Variants in TAF6L observed in about 807,000 individuals in gnomAD.
TAF6L encodes TAF6-like RNA polymerase II p300/CBP-associated factor-associated factor 65 kDa subunit 6L.
A neutral mutation model predicts 57.3 loss-of-function variants in TAF6L; 34 were observed. The ratio of observed to expected loss-of-function variants is 0.59; its 90% CI spans 0.45 to 0.79. The LOEUF (loss-of-function observed/expected upper bound fraction) is 0.79. TAF6L is among the 30% of genes least tolerant of loss of function. The probability of loss-of-function intolerance (pLI) is 0.00; values close to 1 mark genes in which losing one functional copy is unlikely to be tolerated. For missense variants in TAF6L, 782 were observed against 853.2 expected (o/e 0.92, Z 1.04); for synonymous variants, 417 against 376.3 (o/e 1.11, Z -1.25).
chr11:62,781,927 A>T lies in TAF6L; in HGVS notation c.565A>T (p.Ile189Phe), dbSNP rs1182554614. Reference protein sequence around the residue: ...ALQDLQTNSKIGALLPYFVYV... With the variant: ...ALQDLQTNSKFGALLPYFVYV... ...CCAGGACTTGCAGACGAACTCCAAG[A>T]TTGGGGCACTCCTGCCTTACTTTGT... The change falls in exon 7 of 11, where the codon ATT becomes TTT. Residue 189 changes from isoleucine (I) to phenylalanine (F), a missense_variant. Physicochemically the swap from Ile to Phe is conservative, Grantham distance 21. Around this residue, in one of 3 missense-constraint regions of TAF6L, gnomAD observed 220 missense variants for 252.1 expected, o/e 0.87. Coordinates refer to ENST00000294168, the MANE Select transcript of TAF6L (RefSeq NM_006473.4). 5.0e-6 allele frequency: 8 copies of T among 1,614,130 alleles called. No homozygotes were observed. Among genetic ancestry groups the T allele is most frequent in the Non-Finnish European group, 6.8e-6 (8 of 1,180,014 alleles).
At position 62,782,142 on chromosome 11, in the gene TAF6L, A is replaced by G; in HGVS notation, c.636A>G (p.Gln212=). 4 of 1,612,248 alleles carry G rather than the reference A, an allele frequency of 2.5e-6. No homozygotes were observed. Among genetic ancestry groups the G allele is most frequent in the Non-Finnish European group, 3.4e-6 (4 of 1,178,856 alleles). The change falls in exon 8 of 11, where the codon CAA becomes CAG. Residue 212 remains glutamine, a synonymous_variant. Coordinates refer to ENST00000294168, the MANE Select transcript of TAF6L (RefSeq NM_006473.4). ...GVKSVSHDLE[Q]LHRLLQVARS... ...AATCTGTAAGCCATGACCTGGAGCAACTGCACCGGCTGCTGCAGGTGGCAC... is the reference window on the plus strand; with the variant it reads ...AATCTGTAAGCCATGACCTGGAGCAGCTGCACCGGCTGCTGCAGGTGGCAC...
chr11:62,779,976 A>ATATATATATATATATTTTTTTTT (rs1294367864), intron 6 of TAF6L, among the ~76,000 whole-genome samples: 1 of 52,626 alleles, frequency 1.9e-5, no homozygotes, highest in Non-Finnish European at 3.6e-5. Flanking sequence ...ATATATATAT[A>ATATATATATATATATTTTTTTTT]TTTTTTTTTT....
intron 1 of TAF6L, chr11:62,772,133 C>T (rs1205855864): frequency 2.2e-6 from 1 of 456,220 alleles, no homozygotes; most frequent in Non-Finnish European, 4.4e-6. Context: ...ATTTCCTTGC[C>T]TGTGAAATAG....
intron 2 of TAF6L, 150 bp downstream of exon 2, chr11:62,776,080 C>T (rs1005649630): frequency 3.5e-6 from 4 of 1,128,806 alleles, no homozygotes; most frequent in African/African-American, 1.6e-5. Context: ...CTACTTGTAG[C>T]TGTCTGGGCT....
chr11:62,771,703 C>G (rs967026270), intron 1 of TAF6L: 4 of 191,648 alleles, frequency 2.1e-5, no homozygotes, highest in African/African-American at 7.1e-5. Context: ...AGGCCCGGCC[C>G]GCGGAGGTCA....
At chr11:62,774,745 T>G in intron 1 of TAF6L, 2 of 442,542 alleles carry the variant, frequency 4.5e-6, no homozygotes, top group South Asian at 3.1e-5. Flanking sequence ...AAAGCCCAGC[T>G]ACTATCCAGC....
rs1031517270 is a variant in TAF6L, at chr11:62,787,020, C to A, written c.1593C>A (p.Arg531=). 1 of 1,492,150 alleles carries A rather than the reference C, an allele frequency of 6.7e-7. No homozygotes were observed. The highest frequency in any genetic ancestry group is 8.8e-7 in the Non-Finnish European group (1 of 1,130,096). 92.4% of individuals were successfully genotyped at this position (1,492,150 alleles called of 1,614,324 possible). A position where few individuals can be genotyped will look rare whatever the true frequency, so the allele number is the denominator to read the frequency against. The change falls in exon 11 of 11, where the codon CGC becomes CGA. Residue 531 remains arginine, a synonymous_variant. Transcript: ENST00000294168. ...CCTTGCCGCGCGTGCATCGGGCGCGCGGGGCACCCCGGCAGCAGGGCCCCG... is the reference window on the plus strand; with the variant it reads ...CCTTGCCGCGCGTGCATCGGGCGCGAGGGGCACCCCGGCAGCAGGGCCCCG... ...SRPLPRVHRA[R]GAPRQQGPGT... is the part of the protein sequence containing the mutation.
At chr11:62,784,512 T>G (rs2134722954) in intron 9 of TAF6L, among the ~76,000 whole-genome samples, 1 of 151,814 alleles carries the variant, frequency 6.6e-6, no homozygotes, top group Middle Eastern at 3.4e-3. Flanking sequence ...TTCACCGTGT[T>G]AGCCAGGATG....
chr11:62,782,894 C>G (rs2084241023), intron 9 of TAF6L, 69 bp downstream of exon 9: 1 of 1,584,232 alleles, frequency 6.3e-7, no homozygotes, highest in South Asian at 1.1e-5. Context: ...AGTACTTGTG[C>G]ATCGTTATCT....
At position 62,782,163 on chromosome 11, in the gene TAF6L, G is replaced by A; in HGVS notation, c.657G>A (p.Val219=). 2 of 1,613,780 alleles carry A rather than the reference G, an allele frequency of 1.2e-6. No individual in the cohort carries two copies. Among genetic ancestry groups the A allele is most frequent in the Non-Finnish European group, 1.7e-6 (2 of 1,179,804 alleles). Residue 219 remains valine, a synonymous_variant, in exon 8 of 11, where the codon GTG becomes GTA. Transcript: ENST00000294168. ...AGCAACTGCACCGGCTGCTGCAGGT[G>A]GCACGGAGCCTATTTCGTAATCCGC... ...DLEQLHRLLQ[V]ARSLFRNPHL...
chr11:62,773,716 G>C (rs1336209234), intron 1 of TAF6L, among the ~76,000 whole-genome samples: 2 of 152,176 alleles, frequency 1.3e-5, no homozygotes, highest in African/African-American at 4.8e-5. Flanking sequence ...CGAAAGTGCT[G>C]GGATTAGAGG....
Position 62,775,769 on chromosome 11 carries a change from A to C in TAF6L, c.-13-2A>C. 6.2e-7 allele frequency: 1 copy of C among 1,600,178 alleles called. No individual in the cohort carries two copies. The highest frequency in any genetic ancestry group is 8.5e-7 in the Non-Finnish European group (1 of 1,176,910). ...TTTCCAGTCTTCATTCTCCACTCCC[A>C]GCTCCACTGGGGCCATGTCAGAGCG... is the stretch of plus-strand genomic sequence containing the variant. On this transcript the variant is annotated splice_acceptor_variant, in intron 1 of 10. Coordinates refer to ENST00000294168, the MANE Select transcript of TAF6L (RefSeq NM_006473.4). LOFTEE classifies it low-confidence loss of function (5UTR_SPLICE).
intron 6 of TAF6L, among the ~76,000 whole-genome samples, chr11:62,779,977 T>TATATATA (rs1491411798): frequency 3.5e-4 from 14 of 40,132 alleles, no homozygotes; most frequent in Admixed American, 1.3e-3. Context: ...TATATATATA[T>TATATATA]TTTTTTTTTT....
chr11:62,782,161 G>T lies in TAF6L; in HGVS notation c.655G>T (p.Val219Leu). The T allele has an allele frequency of 1.2e-6, 2 of 1,613,748 alleles. No homozygotes were observed. The highest frequency in any genetic ancestry group is 1.7e-6 in the Non-Finnish European group (2 of 1,179,814). ...DLEQLHRLLQ[V>L]ARSLFRNPHL... ...GGAGCAACTGCACCGGCTGCTGCAG[G>T]TGGCACGGAGCCTATTTCGTAATCC... Residue 219 changes from valine (V) to leucine (L), a missense_variant, in exon 8 of 11, where the codon GTG becomes TTG. Val to Leu is a conservative substitution (Grantham distance 32). Transcript: ENST00000294168.
In TAF6L at chr11:62,786,345, C is replaced by T; in HGVS notation, c.1046C>T (p.Ala349Val). Residue 349 changes from alanine to valine, a missense_variant, in exon 10 of 11, where the codon GCC becomes GTC. Coordinates refer to ENST00000294168, the MANE Select transcript of TAF6L (RefSeq NM_006473.4). ...CTGGATGATTATTCAGTATCTAATG[C>T]CCAGGTCAAAGCAGATGGACACAAA... ...AVLDDYSVSN[A>V]QVKADGHKVY... is the part of the protein sequence containing the mutation. 2 of 1,614,168 alleles carry T rather than the reference C, an allele frequency of 1.2e-6. No homozygotes were observed. Among genetic ancestry groups the T allele is most frequent in the Non-Finnish European group, 1.7e-6 (2 of 1,180,012 alleles).
At chr11:62,776,236 G>T in intron 2 of TAF6L, 148 bp from the exon 3 acceptor site, 1 of 799,982 alleles carries the variant, frequency 1.3e-6, no homozygotes, top group East Asian at 2.7e-5. Context: ...GGGTGTTTTT[G>T]TACAGGAGCA....
At chr11:62,786,443 A>G in intron 10 of TAF6L, 55 bp downstream of exon 10, 5 of 1,598,326 alleles carry the variant, frequency 3.1e-6, no homozygotes, top group Non-Finnish European at 4.3e-6. Flanking sequence ...GCAGCCAAGC[A>G]GGCTTACTTT....
At chr11:62,779,977 T>TA (rs1491411798) in intron 6 of TAF6L, among the ~76,000 whole-genome samples, 1,183 of 39,926 alleles carry the variant, frequency 0.03, 10 homozygotes, top group Admixed American at 0.068. Context: ...TATATATATA[T>TA]TTTTTTTTTT....
At chr11:62,781,999 T>A (rs1210838443) in intron 7 of TAF6L, 31 bp downstream of exon 7, 2 of 1,611,954 alleles carry the variant, frequency 1.2e-6, no homozygotes, top group South Asian at 2.2e-5. Context: ...AGGGAGAATG[T>A]TTTATAAGGA....
Sources: gnomAD v4.1 joint callset for allele counts (sites outside exome capture counted in the v4.1 genomes callset) on GRCh38, gnomAD v4.1.1 for gene constraint, gnomAD v4.1.1 regional missense constraint, MANE v1.5 for transcripts, NCBI Gene and HGNC (gene_info 2026-07-23, HGNC 2026-07-21) for gene names.